The following NCAM1 variants were observed in gnomAD, a reference collection of about 807,000 sequenced individuals.
The protein encoded by NCAM1 is antigen recognized by monoclonal antibody 5.1H11.
A neutral mutation model predicts 109.8 loss-of-function variants in NCAM1; 14 were observed. The observed-to-expected ratio is 0.13, with a 90% CI of 0.08 to 0.20. NCAM1 has a LOEUF of 0.20. NCAM1 is among the 10% of genes least tolerant of loss of function. The pLI, the probability that NCAM1 is intolerant of heterozygous loss-of-function variation, is 1.00. For missense variants in NCAM1, 774 were observed against 1,109.9 expected (o/e 0.70, Z 4.30); for synonymous variants, 418 against 442.9 (o/e 0.94, Z 0.70).
intron 15 of NCAM1, among the ~76,000 whole-genome samples, chr11:113,249,462 T>C (rs569170199): frequency 1.3e-5 from 2 of 152,322 alleles, no homozygotes; most frequent in East Asian, 3.9e-4. Flanking sequence ...GGGCTGCTGC[T>C]GGCCTTGGAA....
At chr11:113,247,424 A>G (rs1555120491) in intron 15 of NCAM1, among the ~76,000 whole-genome samples, 1 of 152,170 alleles carries the variant, frequency 6.6e-6, no homozygotes, top group Non-Finnish European at 1.5e-5. Flanking sequence ...ATTGGGCGAC[A>G]TCCACACAGA....
At position 113,273,333 on chromosome 11, in the gene NCAM1, C is replaced by T; in HGVS notation, c.2456+1457C>T. 2.9e-6 allele frequency: 1 copy of T among 342,090 alleles called. No individual in the cohort carries two copies. Among genetic ancestry groups the T allele is most frequent in the Non-Finnish European group, 5.8e-6 (1 of 172,126 alleles). The allele number at this position is 342,090 out of a possible 1,614,324, so 21.2% of individuals were successfully genotyped here. A position where few individuals can be genotyped will look rare whatever the true frequency, so the allele number is the denominator to read the frequency against. On this transcript the variant is annotated intron_variant, in intron 19 of 19. Transcript: ENST00000316851. The surrounding 1 kb of genome is among the most constrained non-coding windows in gnomAD (Gnocchi z 6.0). ...TGTCGGGGAGGCCTCTAAGGCTCCT[C>T]CGGCCAGCAAGCCCACCCCTGCACC...
At chr11:113,156,553 G>T (rs568342148) in intron 1 of NCAM1, among the ~76,000 whole-genome samples, 5 of 152,250 alleles carry the variant, frequency 3.3e-5, no homozygotes, top group South Asian at 2.1e-4. Flanking sequence ...GCATGAGAAA[G>T]GCTCTCAGAA....
chr11:112,973,149 C>G (rs1230545900), intron 1 of NCAM1, among the ~76,000 whole-genome samples: 1 of 152,112 alleles, frequency 6.6e-6, no homozygotes, highest in Non-Finnish European at 1.5e-5. Flanking sequence ...GTTTCTATAG[C>G]AAAATCTTTT....
At chr11:113,025,818 AGAGAGG>A (rs1376674057) in intron 1 of NCAM1, among the ~76,000 whole-genome samples, 48 of 119,464 alleles carry the variant, frequency 4.0e-4, no homozygotes, top group African/African-American at 1.3e-3. Context: ...AGAGAGAGAG[AGAGAGG>A]GAGAGAGAGA....
chr11:113,064,514 AT>A (rs527739410), intron 1 of NCAM1, among the ~76,000 whole-genome samples: 3,379 of 151,968 alleles, frequency 0.022, 59 homozygotes, highest in Middle Eastern at 0.037. Context: ...CTTAAACTAT[AT>A]TTTTTTTATT....
chr11:113,201,023 C>T (rs1481205339), intron 1 of NCAM1, among the ~76,000 whole-genome samples: 1 of 152,098 alleles, frequency 6.6e-6, no homozygotes, highest in East Asian at 1.9e-4. Context: ...CCTGCCTCTG[C>T]CCAGGGCCCC....
chr11:113,011,082 A>T (rs1447179001), intron 1 of NCAM1, among the ~76,000 whole-genome samples: 2 of 148,744 alleles, frequency 1.3e-5, no homozygotes, highest in Non-Finnish European at 3.0e-5. Flanking sequence ...ATCTAGCATT[A>T]GGTATATCTC....
intron 1 of NCAM1, among the ~76,000 whole-genome samples, chr11:113,017,872 A>G (rs546183330): frequency 6.6e-6 from 1 of 152,316 alleles, no homozygotes; most frequent in Non-Finnish European, 1.5e-5. Context: ...ATCTTGGCCT[A>G]TCTAATGCAA....
At chr11:113,179,096 C>A (rs567914150) in intron 1 of NCAM1, among the ~76,000 whole-genome samples, 4 of 152,282 alleles carry the variant, frequency 2.6e-5, no homozygotes, top group African/African-American at 9.6e-5. Flanking sequence ...AGGATTTACA[C>A]CACAGATATG....
At chr11:113,119,665 C>G (rs1254414245) in intron 1 of NCAM1, among the ~76,000 whole-genome samples, 1 of 152,146 alleles carries the variant, frequency 6.6e-6, no homozygotes, top group Non-Finnish European at 1.5e-5. Flanking sequence ...AGGGAGTTGT[C>G]TGGTTGGCAT....
At chr11:113,220,351 G>C (rs1365912228) in intron 8 of NCAM1, among the ~76,000 whole-genome samples, 1 of 152,078 alleles carries the variant, frequency 6.6e-6, no homozygotes, top group Non-Finnish European at 1.5e-5. Flanking sequence ...AAGGACTGGA[G>C]CCCTCCCTCA....
chr11:113,071,795 G>A (rs1309196256), intron 1 of NCAM1, among the ~76,000 whole-genome samples: 2 of 152,158 alleles, frequency 1.3e-5, no homozygotes, highest in Non-Finnish European at 2.9e-5. Flanking sequence ...CTTTGTTGGC[G>A]GTAGGCAAAC....
chr11:113,199,093 C>T (rs985079439), intron 1 of NCAM1, among the ~76,000 whole-genome samples: 8 of 152,142 alleles, frequency 5.3e-5, no homozygotes, highest in Non-Finnish European at 7.3e-5. Flanking sequence ...GGTTCATAAG[C>T]ACGTGTCTTT....
At chr11:113,110,108 T>C (rs1190829973) in intron 1 of NCAM1, among the ~76,000 whole-genome samples, 1 of 152,204 alleles carries the variant, frequency 6.6e-6, no homozygotes, top group Non-Finnish European at 1.5e-5. Flanking sequence ...TGGCCAAAGA[T>C]GGCAGGCATA....
At chr11:113,051,956 G>C (rs914115896) in intron 1 of NCAM1, among the ~76,000 whole-genome samples, 13 of 152,194 alleles carry the variant, frequency 8.5e-5, no homozygotes, top group African/African-American at 2.9e-4. Flanking sequence ...TGTGCTTAGC[G>C]TAAGTTCTAG....
intron 1 of NCAM1, among the ~76,000 whole-genome samples, chr11:113,022,742 G>C (rs1555076457): frequency 2.0e-5 from 3 of 152,164 alleles, no homozygotes; most frequent in African/African-American, 7.2e-5. Context: ...AGGTAGTCCA[G>C]GATTGTTATG....
intron 1 of NCAM1, among the ~76,000 whole-genome samples, chr11:113,064,369 T>C (rs1476447245): frequency 1.3e-5 from 2 of 152,198 alleles, no homozygotes; most frequent in Admixed American, 1.3e-4. Flanking sequence ...GAGGACATAC[T>C]TGGGGTAAAA....
Position 113,023,861 on chromosome 11 carries a change from T to C in NCAM1, c.52+62197T>C, listed in dbSNP as rs117329633. ...CAATAAACAGTACATTTCTCCCTCATTGGGGGTCAATGAATGTTTAATGCA... is the reference window on the plus strand; with the variant it reads ...CAATAAACAGTACATTTCTCCCTCACTGGGGGTCAATGAATGTTTAATGCA... On this transcript the variant is annotated intron_variant, in intron 1 of 19. Transcript: ENST00000316851. Among the ~76,000 whole-genome samples, 172 of 152,108 alleles carry C rather than the reference T, an allele frequency of 1.1e-3. 1 individual carries two copies. The East Asian group carries it at 0.028, about 25-fold the overall frequency.
Sources: allele counts gnomAD v4.1 joint callset (sites outside exome capture counted in the v4.1 genomes callset), GRCh38; gene constraint gnomAD v4.1.1; non-coding constraint Gnocchi (gnomAD v3.1); transcripts MANE v1.5; gene names NCBI Gene and HGNC (gene_info 2026-07-23, HGNC 2026-07-21).